Variants in SOX5 observed in about 807,000 individuals in gnomAD.
SOX5 encodes the protein SRY-box transcription factor 5.
A neutral mutation model predicts 92.0 loss-of-function variants in SOX5; 9 were observed. That is an observed-to-expected ratio of 0.10 (90% CI 0.06 to 0.17). The LOEUF is 0.17. SOX5 is among the 10% of genes least tolerant of loss of function. The pLI is 1.00. For synonymous variants in SOX5, 344 were observed against 336.3 expected (o/e 1.02, Z -0.25); for missense variants, 642 against 944.5 (o/e 0.68, Z 4.20).
intron 4 of SOX5, among the ~76,000 whole-genome samples, chr12:24,093,317 C>T (rs1381773947): frequency 6.6e-6 from 1 of 151,944 alleles, no homozygotes; most frequent in East Asian, 1.9e-4. Flanking sequence ...GTCCGGAGAT[C>T]GAGACCATCC....
chr12:23,847,497 T>G (rs1225712887), intron 2 of SOX5, among the ~76,000 whole-genome samples: 1 of 152,150 alleles, frequency 6.6e-6, no homozygotes, highest in African/African-American at 2.4e-5. Flanking sequence ...CTAACATACT[T>G]GGTTTAAAAA....
chr12:23,707,318 A>C (rs571842392), intron 6 of SOX5, among the ~76,000 whole-genome samples: 1 of 152,260 alleles, frequency 6.6e-6, no homozygotes, highest in South Asian at 2.1e-4. Context: ...GGCCTGGCAT[A>C]GGATTGGATT....
intron 3 of SOX5, among the ~76,000 whole-genome samples, chr12:23,772,012 TCTCA>T (rs1379903476): frequency 6.6e-6 from 1 of 152,188 alleles, no homozygotes; most frequent in East Asian, 1.9e-4. Context: ...TGGACGTCTC[TCTCA>T]AAGTTCAAGA....
At chr12:24,509,618 T>G (rs1330942042) in intron 1 of SOX5, among the ~76,000 whole-genome samples, 1 of 152,196 alleles carries the variant, frequency 6.6e-6, no homozygotes, top group East Asian at 1.9e-4. Context: ...TAAATAGTCA[T>G]GAAAGCATAG....
At chr12:24,513,861 T>C (rs1949541249) in intron 1 of SOX5, among the ~76,000 whole-genome samples, 1 of 152,230 alleles carries the variant, frequency 6.6e-6, no homozygotes, top group African/African-American at 2.4e-5. Context: ...CTAATATAAA[T>C]GGCCAATCTC....
intron 6 of SOX5, among the ~76,000 whole-genome samples, chr12:23,695,052 C>T (rs1308518832): frequency 2.0e-5 from 3 of 148,436 alleles, no homozygotes; most frequent in South Asian, 2.1e-4. Context: ...CCTGGGAAGT[C>T]GGGGCTGCAG....
chr12:23,841,496 AG>A (rs1194309553), intron 3 of SOX5, among the ~76,000 whole-genome samples: 7 of 152,226 alleles, frequency 4.6e-5, no homozygotes, highest in Admixed American at 4.6e-4. Flanking sequence ...GCTGCACATG[AG>A]TATTAATAGA....
intron 2 of SOX5, among the ~76,000 whole-genome samples, chr12:24,313,493 G>A (rs1949400236): frequency 6.6e-6 from 1 of 152,108 alleles, no homozygotes; most frequent in Admixed American, 6.6e-5. Flanking sequence ...TCATACCCCT[G>A]CACTCCAGCC....
At chr12:24,541,908 C>T (rs188295004) in intron 1 of SOX5, among the ~76,000 whole-genome samples, 53 of 152,236 alleles carry the variant, frequency 3.5e-4, no homozygotes, top group Non-Finnish European at 5.6e-4. Flanking sequence ...CATTTAGTCA[C>T]GTAGCAGGCC....
chr12:23,994,006 T>C (rs1950814984), intron 4 of SOX5, among the ~76,000 whole-genome samples: 1 of 151,902 alleles, frequency 6.6e-6, no homozygotes. Flanking sequence ...CCCAGCTACT[T>C]TGGAGGCTGA....
intron 9 of SOX5, 113 bp from the exon 10 acceptor site, chr12:23,575,951 G>A: frequency 1.4e-6 from 1 of 733,172 alleles, no homozygotes; most frequent in South Asian, 2.0e-5. Context: ...ACCAATCAGT[G>A]ATCTTAACAT....
At chr12:24,490,114 G>T (rs1324243206) in intron 1 of SOX5, among the ~76,000 whole-genome samples, 2 of 152,144 alleles carry the variant, frequency 1.3e-5, no homozygotes, top group Non-Finnish European at 2.9e-5. Context: ...GCCACATTTG[G>T]GTGATAAAAC....
chr12:24,247,230 A>T (rs957766813), intron 3 of SOX5, among the ~76,000 whole-genome samples: 1 of 107,920 alleles, frequency 9.3e-6, no homozygotes, highest in Non-Finnish European at 1.9e-5. Flanking sequence ...TAGAAGGGAG[A>T]TAAACATTAA....
At chr12:23,785,145 A>G (rs965040166) in intron 3 of SOX5, among the ~76,000 whole-genome samples, 1 of 152,240 alleles carries the variant, frequency 6.6e-6, no homozygotes, top group Non-Finnish European at 1.5e-5. Flanking sequence ...GAGAAAGATC[A>G]CAACTGACAA....
intron 10 of SOX5, among the ~76,000 whole-genome samples, chr12:23,568,221 C>T (rs1947495428): frequency 6.6e-6 from 1 of 152,126 alleles, no homozygotes; most frequent in Non-Finnish European, 1.5e-5. Context: ...TGGAGTTATG[C>T]ATCTATGAGC....
intron 2 of SOX5, among the ~76,000 whole-genome samples, chr12:24,277,964 T>A (rs1413696222): frequency 6.6e-6 from 1 of 152,142 alleles, no homozygotes; most frequent in African/African-American, 2.4e-5. Context: ...CTATCATGAG[T>A]GAATAAAATT....
intron 1 of SOX5, among the ~76,000 whole-genome samples, chr12:23,926,763 C>A (rs1338176718): frequency 2.6e-5 from 4 of 151,950 alleles, no homozygotes; most frequent in African/African-American, 4.8e-5. Flanking sequence ...CTAAGGCTGT[C>A]CATGAGATAT....
chr12:23,764,628 T>A (rs779890098), intron 3 of SOX5, among the ~76,000 whole-genome samples: 1 of 152,096 alleles, frequency 6.6e-6, no homozygotes, highest in Non-Finnish European at 1.5e-5. Flanking sequence ...TGAATTCACA[T>A]AATCACTTTG....
intron 4 of SOX5, among the ~76,000 whole-genome samples, chr12:24,021,964 T>G (rs747720830): frequency 1.3e-5 from 2 of 152,236 alleles, no homozygotes; most frequent in African/African-American, 2.4e-5. Context: ...ATGTATATTA[T>G]GTATTTGTTC....
Sources: gnomAD v4.1 joint callset for allele counts (sites outside exome capture counted in the v4.1 genomes callset) on GRCh38, gnomAD v4.1.1 for gene constraint, MANE v1.5 for transcripts, NCBI Gene and HGNC (gene_info 2026-07-23, HGNC 2026-07-21) for gene names.